The following PHTF1 variants were observed in gnomAD, a reference collection of about 807,000 sequenced individuals.
PHTF1 encodes protein PHTF1.
Under a neutral mutation model 102.4 loss-of-function variants are expected in PHTF1, and 88 were observed. The ratio of observed to expected loss-of-function variants is 0.86; its 90% confidence interval spans 0.72 to 1.03. The LOEUF (loss-of-function observed/expected upper bound fraction) is 1.03, where lower values mean the gene tolerates loss of function less well. Ranked by LOEUF, PHTF1 falls within the 50% of genes least tolerant of loss-of-function variation. The probability of loss-of-function intolerance (pLI) is 0.00; values close to 1 mark genes in which losing one functional copy is unlikely to be tolerated. For missense variants in PHTF1, 814 were observed against 909.5 expected (o/e 0.89, Z 1.35); for synonymous variants, 289 against 305.2 (o/e 0.95, Z 0.55).
In PHTF1 at chr1:113,705,917, C is replaced by T. The variant is rs1453364447; in HGVS notation, c.1644G>A (p.Met548Ile). ...LCLTWMFFFMMCVAERTYKQR... is the reference protein window; with the variant it reads ...LCLTWMFFFMICVAERTYKQR... ...GTTTATATGTTCTCTCTGCCACACACATCATGAAAAAAAACATCCAAGTAA... is the reference window on the plus strand; with the variant it reads ...GTTTATATGTTCTCTCTGCCACACATATCATGAAAAAAAACATCCAAGTAA... The change falls in exon 13 of 19, where the codon ATG becomes ATA. Residue 548 changes from methionine to isoleucine, a missense_variant. By Grantham distance (10) the Met-to-Ile change is conservative. Coordinates refer to ENST00000369604, the MANE Select transcript of PHTF1 (RefSeq NM_001323043.2). 3.7e-6 allele frequency: 6 copies of T among 1,613,920 alleles called. No homozygotes were observed. In the South Asian group the frequency reaches 4.4e-5, roughly 12 times the overall value.
intron 7 of PHTF1, chr1:113,713,701 GTT>G: frequency 2.8e-6 from 1 of 352,946 alleles, no homozygotes; most frequent in South Asian, 3.0e-5. Context: ...ACAAAAGTAG[GTT>G]CACAGTCCTC....
chr1:113,738,010 T>C, intron 5 of PHTF1, 100 bp downstream of exon 5: 2 of 821,822 alleles, frequency 2.4e-6, no homozygotes, highest in Non-Finnish European at 3.9e-6. Flanking sequence ...CTTTAAACTG[T>C]CAAATGAAAG....
intron 16 of PHTF1, 87 bp from the exon 17 acceptor site, chr1:113,699,886 T>C (rs1290614387): frequency 7.1e-6 from 5 of 708,274 alleles, no homozygotes; most frequent in Non-Finnish European, 1.1e-5. Flanking sequence ...AAGGTCATGT[T>C]TTCAAGTAAA....
rs769481281 is a variant in PHTF1 at position 113,742,673 on chromosome 1, C to A, written c.103-3874G>T. ...TGGTACACCTGTATAGGGCACTTAT[C>A]ATGAATAGTGCTCTCAGGATTGGGA... On this transcript the variant is annotated intron_variant, in intron 3 of 18. Transcript: ENST00000369604. 9.9e-5 allele frequency among the ~76,000 whole-genome samples: 15 copies of A among 152,160 alleles called. No homozygotes were observed. In the South Asian group the frequency reaches 2.7e-3, roughly 27 times the overall value.
intron 3 of PHTF1, among the ~76,000 whole-genome samples, chr1:113,756,876 C>T (rs1658962418): frequency 6.6e-6 from 1 of 152,124 alleles, no homozygotes; most frequent in South Asian, 2.1e-4. Flanking sequence ...AAACTTAAAA[C>T]CATACTCTAG....
chr1:113,756,359 A>G (rs1658879675), intron 3 of PHTF1, among the ~76,000 whole-genome samples: 1 of 152,224 alleles, frequency 6.6e-6, no homozygotes, highest in Non-Finnish European at 1.5e-5. Flanking sequence ...TTGTTGTTCA[A>G]GTAGCTTTCT....
chr1:113,739,436 CT>C (rs1424497992), intron 3 of PHTF1, among the ~76,000 whole-genome samples: 3 of 152,070 alleles, frequency 2.0e-5, no homozygotes, highest in South Asian at 2.1e-4. Flanking sequence ...TAACTTCCAT[CT>C]TTTTTTTGCT....
chr1:113,724,839 G>A lies in PHTF1; in HGVS notation c.543C>T (p.Ser181=). The change falls in exon 7 of 19, where the codon TCC becomes TCT. Residue 181 remains serine, a synonymous_variant. Coordinates refer to ENST00000369604, the MANE Select transcript of PHTF1 (RefSeq NM_001323043.2). ...TTTCTATTCCTCTGACTTTATCAGA[G>A]GAGTTATTTCCATTTTCTCGGCTCC... ...GDGSRENGNN[S]SDKVRGIETL... 1 of 1,610,162 alleles carries A rather than the reference G, an allele frequency of 6.2e-7. No homozygotes were observed. The highest frequency in any genetic ancestry group is 8.5e-7 in the Non-Finnish European group (1 of 1,177,758).
Position 113,711,664 on chromosome 1 carries a change from T to C in PHTF1, c.1047+82A>G, listed in dbSNP as rs1057337801. The C allele has an allele frequency of 2.8e-6, 3 of 1,062,948 alleles. No homozygotes were observed. The African/African-American group carries it at 4.7e-5, about 17-fold the overall frequency. 65.8% of individuals were successfully genotyped at this position (1,062,948 alleles called of 1,614,324 possible). A position where few individuals can be genotyped will look rare whatever the true frequency, so the allele number is the denominator to read the frequency against. The stretch of plus-strand genomic sequence containing the variant: ...TGGCAAATATTAATGTAAATGCTAC[T>C]TTAGGGCAACCAATAAAAAAAGGAA... On this transcript the variant is annotated intron_variant, in intron 10 of 18. Coordinates refer to ENST00000369604, the MANE Select transcript of PHTF1 (RefSeq NM_001323043.2).
At chr1:113,755,870 C>G (rs1658782498) in intron 3 of PHTF1, among the ~76,000 whole-genome samples, 1 of 150,684 alleles carries the variant, frequency 6.6e-6, no homozygotes, top group Admixed American at 6.6e-5. Flanking sequence ...ACCATCCTGG[C>G]TAACATGGTG....
intron 15 of PHTF1, chr1:113,703,740 A>G: frequency 5.3e-6 from 1 of 188,412 alleles, no homozygotes; most frequent in South Asian, 1.4e-4. Flanking sequence ...GAATGAATAA[A>G]TAAGAGGGAA....
intron 15 of PHTF1, among the ~76,000 whole-genome samples, chr1:113,701,351 C>T (rs1649416821): frequency 6.6e-6 from 1 of 152,170 alleles, no homozygotes; most frequent in Non-Finnish European, 1.5e-5. Context: ...TCCTAAGGAT[C>T]AGTTCTTTAT....
At chr1:113,702,563 G>C (rs1649567744) in intron 15 of PHTF1, among the ~76,000 whole-genome samples, 1 of 151,888 alleles carries the variant, frequency 6.6e-6, no homozygotes, top group Admixed American at 6.6e-5. Flanking sequence ...GCCAGCCTGG[G>C]GAACAAAGCC....
At chr1:113,709,254 A>G (rs1268638412) in intron 11 of PHTF1, among the ~76,000 whole-genome samples, 8 of 152,248 alleles carry the variant, frequency 5.3e-5, no homozygotes. Context: ...AACTTTAATG[A>G]GAAAATTTAC....
intron 14 of PHTF1, 83 bp downstream of exon 14, chr1:113,704,583 C>T (rs1649846454): frequency 9.1e-6 from 9 of 990,256 alleles, no homozygotes; most frequent in Middle Eastern, 2.2e-4. Context: ...CCCAGAACTA[C>T]ACTGTCTACT....
At chr1:113,733,485 C>T (rs934363971) in intron 5 of PHTF1, among the ~76,000 whole-genome samples, 1 of 151,988 alleles carries the variant, frequency 6.6e-6, no homozygotes, top group African/African-American at 2.4e-5. Flanking sequence ...AACATATGTC[C>T]CCAACAAAAC....
At chr1:113,734,219 C>CA (rs1655140079) in intron 5 of PHTF1, among the ~76,000 whole-genome samples, 1 of 152,120 alleles carries the variant, frequency 6.6e-6, no homozygotes, top group Non-Finnish European at 1.5e-5. Context: ...AAGATCACGC[C>CA]ACTGTACTTC....
chr1:113,734,002 G>T (rs527613290), intron 5 of PHTF1, among the ~76,000 whole-genome samples: 25 of 152,344 alleles, frequency 1.6e-4, no homozygotes, highest in African/African-American at 5.8e-4. Context: ...GTTCACACCT[G>T]TAATCCCAGC....
intron 3 of PHTF1, among the ~76,000 whole-genome samples, chr1:113,741,643 A>G (rs1426095885): frequency 6.6e-6 from 1 of 152,142 alleles, no homozygotes; most frequent in Non-Finnish European, 1.5e-5. Context: ...AATTATCCAA[A>G]GCTCCCTTAG....
Sources: gnomAD v4.1 joint callset for allele counts (sites outside exome capture counted in the v4.1 genomes callset) on GRCh38, gnomAD v4.1.1 for gene constraint, MANE v1.5 for transcripts, NCBI Gene and HGNC (gene_info 2026-07-23, HGNC 2026-07-21) for gene names.